The following RADIL variants were observed in gnomAD, a reference collection of about 807,000 sequenced individuals.
The protein encoded by RADIL is ras-associating and dilute domain-containing protein.
RADIL carries 99 observed loss-of-function variants against 97.6 expected under a neutral mutation model. The observed-to-expected ratio is 1.01, with a 90% CI of 0.86 to 1.20. RADIL has a LOEUF of 1.20. Ranked by LOEUF, RADIL falls within the 50% of genes most tolerant of loss-of-function variation. The probability of loss-of-function intolerance (pLI) is 0.00; values close to 1 mark genes in which losing one functional copy is unlikely to be tolerated. For missense variants in RADIL, 1,765 were observed against 1,498.9 expected, an observed-to-expected ratio of 1.18 and a Z score of -2.93; for synonymous variants, 803 against 691.8, an observed-to-expected ratio of 1.16 and a Z score of -2.52.
rs766422515 is a variant in RADIL at position 4,801,973 on chromosome 7, T to G, written c.2522A>C (p.Asp841Ala). 2.2e-5 allele frequency: 34 copies of G among 1,545,936 alleles called. No homozygotes were observed. Among genetic ancestry groups the G allele is most frequent in the Admixed American group, 6.5e-5 (3 of 46,506 alleles). ...GCAGCTCGGGGCCTCCAGGTGCCCG[T>G]CAAGGACCACGTGGTGCATACCCTA... Reference protein sequence around the residue: ...CPEGMHHVVLDGHLEAPSCPL... With the variant: ...CPEGMHHVVLAGHLEAPSCPL... Residue 841 changes from aspartate (D) to alanine (A), a missense_variant, in exon 12 of 15, where the codon GAC (aspartate) becomes GCC (alanine). By Grantham distance (126) the Asp-to-Ala change is moderately radical. Transcript: ENST00000399583.
intron 2 of RADIL, among the ~76,000 whole-genome samples, chr7:4,870,089 A>T (rs1325761147): frequency 6.6e-6 from 1 of 152,236 alleles, no homozygotes; most frequent in East Asian, 1.9e-4. Flanking sequence ...GCAGTGAGCC[A>T]TGATTGCACC....
chr7:4,802,884 T>TG (rs1392247741), intron 11 of RADIL, among the ~76,000 whole-genome samples: 28 of 95,994 alleles, frequency 2.9e-4, no homozygotes, highest in African/African-American at 1.3e-3. Flanking sequence ...GCACTCTGGC[T>TG]GGGGGGCCCC....
intron 2 of RADIL, among the ~76,000 whole-genome samples, chr7:4,875,942 G>A (rs569646948): frequency 3.9e-4 from 60 of 152,198 alleles, no homozygotes; most frequent in South Asian, 1.7e-3. Context: ...AGGCAATTGG[G>A]GGTGCTTGTC....
rs1425534291 is a variant in RADIL at position 4,835,808 on chromosome 7, G to A, written c.783+550C>T. 1.3e-5 allele frequency among the ~76,000 whole-genome samples: 2 copies of A among 152,270 alleles called. No homozygotes were observed. The highest frequency in any genetic ancestry group is 1.5e-5 in the Non-Finnish European group (1 of 68,042). ...GGGCGGGGAAAACAGTTGTCTGGCA[G>A]GGCAAGTGTCCGGCAAGGTGAGGCG... On this transcript the variant is annotated intron_variant, in intron 3 of 14. Coordinates refer to ENST00000399583, the MANE Select transcript of RADIL (RefSeq NM_018059.5). This position sits in a 1 kb window ranked among gnomAD's most constrained non-coding sequence, Gnocchi z 5.8.
chr7:4,822,893 A>ATGTGTGTG lies in RADIL; in HGVS notation c.1455-347_1455-340dup, dbSNP rs148919435. Among the ~76,000 whole-genome samples the ATGTGTGTG allele has an allele frequency of 6.6e-6, 1 of 151,908 alleles. No individual in the cohort carries two copies. Among genetic ancestry groups the ATGTGTGTG allele is most frequent in the Non-Finnish European group, 1.5e-5 (1 of 67,982 alleles). On this transcript the variant is annotated intron_variant, in intron 5 of 14. Coordinates refer to ENST00000399583, the MANE Select transcript of RADIL (RefSeq NM_018059.5). This position sits in a 1 kb window ranked among gnomAD's most constrained non-coding sequence, Gnocchi z 5.3. ...GAATGCTGAGAGAATGTGTGCCAAT[A>ATGTGTGTG]TGTGTGTGTGTGCGTGTATGCGTGC... is the stretch of plus-strand genomic sequence containing the variant.
chr7:4,827,354 G>C (rs1472404460), intron 5 of RADIL, among the ~76,000 whole-genome samples: 2 of 139,750 alleles, frequency 1.4e-5, no homozygotes, highest in Non-Finnish European at 3.0e-5. Flanking sequence ...GACAGAGCGA[G>C]ACTGTCTCAA....
At chr7:4,846,798 C>T (rs1310619283) in intron 2 of RADIL, among the ~76,000 whole-genome samples, 4 of 152,000 alleles carry the variant, frequency 2.6e-5, no homozygotes, top group African/African-American at 9.7e-5. Context: ...CCACCCACCT[C>T]AGCCTCCCGA....
intron 2 of RADIL, among the ~76,000 whole-genome samples, chr7:4,852,903 T>G (rs1236114223): frequency 6.6e-6 from 1 of 152,092 alleles, no homozygotes; most frequent in Non-Finnish European, 1.5e-5. Context: ...CCCTTGCAAG[T>G]TGGGAGGGCT....
Position 4,861,618 on chromosome 7 carries a change from C to T in RADIL, c.535+15987G>A, listed in dbSNP as rs768082712. The T allele has an allele frequency of 3.7e-6, 6 of 1,611,888 alleles. No homozygotes were observed. The South Asian group carries it at 6.6e-5, about 18-fold the overall frequency. ...ACCAGATTATTTAATTTTTCCAAAA[C>T]TAAAATCCTGCGCTGCAGTTCCTCT... On this transcript the variant is annotated intron_variant, in intron 2 of 14. Coordinates refer to ENST00000399583, the MANE Select transcript of RADIL (RefSeq NM_018059.5).
chr7:4,805,838 C>A, intron 9 of RADIL, 122 bp from the exon 10 acceptor site: 1 of 1,419,716 alleles, frequency 7.0e-7, no homozygotes, highest in Non-Finnish European at 9.2e-7. Flanking sequence ...TCCTCACTCC[C>A]ACCAGGGGCC....
Position 4,815,104 on chromosome 7 carries a change from C to T in RADIL, c.2139+174G>A, listed in dbSNP as rs147385177. 0.028 allele frequency among the ~76,000 whole-genome samples: 4,240 copies of T among 152,256 alleles called. 77 individuals carry two copies. Among genetic ancestry groups the T allele is most frequent in the Middle Eastern group, 0.051 (15 of 294 alleles). ...ATCTTTGGGCCATTATCCTGTCTAC[C>T]GCAGGTGGACACAGCCATGGAATGG... On this transcript the variant is annotated intron_variant, in intron 9 of 14. Transcript: ENST00000399583. This position sits in a 1 kb window ranked among gnomAD's most constrained non-coding sequence, Gnocchi z 8.0.
chr7:4,871,542 C>T (rs1033139250), intron 2 of RADIL, among the ~76,000 whole-genome samples: 1 of 152,222 alleles, frequency 6.6e-6, no homozygotes, highest in Non-Finnish European at 1.5e-5. Flanking sequence ...ACCTGCCACC[C>T]GCCTGCCAGC....
At chr7:4,832,741 C>CAAAAAA (rs71032992) in intron 4 of RADIL, among the ~76,000 whole-genome samples, 9 of 66,502 alleles carry the variant, frequency 1.4e-4, no homozygotes, top group Non-Finnish European at 1.4e-4. Context: ...TCCGTCTCAG[C>CAAAAAA]AAAAAAAAAA....
intron 2 of RADIL, among the ~76,000 whole-genome samples, chr7:4,839,294 G>A (rs1440480416): frequency 1.3e-5 from 2 of 152,178 alleles, no homozygotes; most frequent in Non-Finnish European, 2.9e-5. Context: ...GTATGGTTTT[G>A]AGCAATCTTC....
chr7:4,844,180 C>T (rs1001821526), intron 2 of RADIL, among the ~76,000 whole-genome samples: 6 of 152,060 alleles, frequency 3.9e-5, no homozygotes, highest in Admixed American at 2.0e-4. Context: ...GGCGCAGTGG[C>T]CAACACCTGT....
Position 4,817,769 on chromosome 7 carries a change from A to G in RADIL, c.1616-418T>C, listed in dbSNP as rs1255416584. 6.6e-6 allele frequency among the ~76,000 whole-genome samples: 1 copy of G among 152,038 alleles called. No individual in the cohort carries two copies. Among genetic ancestry groups the G allele is most frequent in the Non-Finnish European group, 1.5e-5 (1 of 68,016 alleles). ...TGGCAGCAGCCCCTGAGTGGCCGCC[A>G]CTCTGTGGAATCATAAGTCTTTTGG... On this transcript the variant is annotated intron_variant, in intron 6 of 14. Coordinates refer to ENST00000399583, the MANE Select transcript of RADIL (RefSeq NM_018059.5). The surrounding 1 kb of genome is among the most constrained non-coding windows in gnomAD (Gnocchi z 8.3).
chr7:4,861,834 G>GCACATCCCCCACCACCGCGACCTT, intron 2 of RADIL: 5 of 1,268,410 alleles, frequency 3.9e-6, no homozygotes, highest in Non-Finnish European at 4.1e-6. Context: ...CCCCGCCAGG[G>GCACATCCCCCACCACCGCGACCTT]CACGTCCCCC....
intron 9 of RADIL, among the ~76,000 whole-genome samples, chr7:4,806,252 C>T (rs576318380): frequency 6.6e-6 from 1 of 152,328 alleles, no homozygotes; most frequent in African/African-American, 2.4e-5. Context: ...CAGGATCAAG[C>T]GATCCTCCCA....
intron 2 of RADIL, among the ~76,000 whole-genome samples, chr7:4,843,249 G>A (rs1350591497): frequency 2.0e-5 from 3 of 151,170 alleles, no homozygotes; most frequent in Admixed American, 6.6e-5. Flanking sequence ...TCCTGACCTC[G>A]TGATCCGCCT....
Sources: allele counts gnomAD v4.1 joint callset (sites outside exome capture counted in the v4.1 genomes callset), GRCh38; gene constraint gnomAD v4.1.1; non-coding constraint Gnocchi (gnomAD v3.1); transcripts MANE v1.5; gene names NCBI Gene and HGNC (gene_info 2026-07-23, HGNC 2026-07-21).